EFCAB6: variants seen among roughly 807,000 people sequenced by gnomAD.
EFCAB6 encodes EF-hand calcium binding domain 6, also known as EF-hand calcium-binding domain-containing protein 6.
In EFCAB6, 156 loss-of-function variants were observed where a neutral mutation model predicts 169.8. That is an observed-to-expected ratio of 0.92 (90% CI 0.81 to 1.05). The LOEUF (loss-of-function observed/expected upper bound fraction) is 1.05. EFCAB6 is among the 50% of genes least tolerant of loss of function. The probability of loss-of-function intolerance (pLI) is 0.00; values close to 1 mark genes in which losing one functional copy is unlikely to be tolerated. For missense variants in EFCAB6, 1,800 were observed against 1,829.1 expected (o/e 0.98, Z 0.29); for synonymous variants, 698 against 676.4 (o/e 1.03, Z -0.50).
At position 43,626,504 on chromosome 22, in the gene EFCAB6, T is replaced by G. The variant is rs758353636; in HGVS notation, c.2408A>C (p.Gln803Pro). 32 of 1,614,204 alleles carry G rather than the reference T, an allele frequency of 2.0e-5. No individual in the cohort carries two copies. The highest frequency in any genetic ancestry group is 2.5e-5 in the Non-Finnish European group (30 of 1,180,034). The change falls in exon 20 of 32, where the codon CAA (glutamine) becomes CCA (proline). Residue 803 changes from glutamine to proline, a missense_variant. Gln to Pro is a moderately conservative substitution (Grantham distance 76, BLOSUM62 -1). Transcript: ENST00000262726. Reference protein sequence around the residue: ...LSVTLNFREFQNLCEKRPWRT... With the variant: ...LSVTLNFREFPNLCEKRPWRT... ...CCATGGTCTCTTCTCACACAAATTTTGAAATTCCCGAAAATTTAAAGTGAC... is the reference window on the plus strand; with the variant it reads ...CCATGGTCTCTTCTCACACAAATTTGGAAATTCCCGAAAATTTAAAGTGAC...
chr22:43,633,439 T>C (rs1231607851), intron 18 of EFCAB6, among the ~76,000 whole-genome samples: 4 of 152,120 alleles, frequency 2.6e-5, no homozygotes, highest in Non-Finnish European at 1.5e-5. Flanking sequence ...CCCCAGCTAC[T>C]TGGGAGGCTG....
chr22:43,731,484 T>C (rs958081964), intron 8 of EFCAB6, among the ~76,000 whole-genome samples: 1 of 152,226 alleles, frequency 6.6e-6, no homozygotes, highest in African/African-American at 2.4e-5. Flanking sequence ...TGTTCCTGGC[T>C]GTAGATTTTA....
chr22:43,740,218 A>G (rs1440633995), intron 6 of EFCAB6, among the ~76,000 whole-genome samples: 1 of 151,904 alleles, frequency 6.6e-6, no homozygotes, highest in East Asian at 1.9e-4. Flanking sequence ...CCTCACCCCC[A>G]ATCCTCTTAT....
At chr22:43,737,289 T>C (rs905501173) in intron 6 of EFCAB6, among the ~76,000 whole-genome samples, 6 of 152,056 alleles carry the variant, frequency 3.9e-5, no homozygotes, top group African/African-American at 1.4e-4. Flanking sequence ...CACACACACA[T>C]GCACAGATAC....
intron 20 of EFCAB6, among the ~76,000 whole-genome samples, chr22:43,617,644 C>A (rs78076034): frequency 0.035 from 5,372 of 152,222 alleles, 106 homozygotes; most frequent in South Asian, 0.039. Context: ...TCAGTCAGAT[C>A]CAGCCTTCCT....
At chr22:43,545,257 C>T (rs146919779) in intron 27 of EFCAB6, among the ~76,000 whole-genome samples, 33 of 151,968 alleles carry the variant, frequency 2.2e-4, no homozygotes, top group African/African-American at 7.9e-4. Flanking sequence ...TGCTTTCTGG[C>T]CACAATACAA....
chr22:43,570,612 CTTT>C (rs34079137), intron 26 of EFCAB6, among the ~76,000 whole-genome samples: 1 of 146,932 alleles, frequency 6.8e-6, no homozygotes, highest in Non-Finnish European at 1.5e-5. Flanking sequence ...TAGGTGTTCT[CTTT>C]TTTTTTTTTT....
At chr22:43,797,926 A>C (rs1294978318) in intron 2 of EFCAB6, among the ~76,000 whole-genome samples, 2 of 151,990 alleles carry the variant, frequency 1.3e-5, no homozygotes, top group African/African-American at 4.8e-5. Context: ...TACTTAGACC[A>C]CCTATTCCTC....
chr22:43,738,882 C>G (rs1267206600), intron 6 of EFCAB6, among the ~76,000 whole-genome samples: 2 of 152,200 alleles, frequency 1.3e-5, no homozygotes, highest in Non-Finnish European at 2.9e-5. Context: ...TGCCTCCTGT[C>G]CTGTTGTAAG....
intron 6 of EFCAB6, among the ~76,000 whole-genome samples, chr22:43,745,315 C>A (rs527805670): frequency 6.6e-6 from 1 of 152,244 alleles, no homozygotes; most frequent in Non-Finnish European, 1.5e-5. Context: ...GGAAAACAAT[C>A]CCTCTGGAGG....
intron 27 of EFCAB6, among the ~76,000 whole-genome samples, chr22:43,550,543 G>A (rs2048320584): frequency 6.6e-6 from 1 of 151,854 alleles, no homozygotes; most frequent in Non-Finnish European, 1.5e-5. Flanking sequence ...GTGGTAGCGG[G>A]CACCTGTAGT....
intron 5 of EFCAB6, among the ~76,000 whole-genome samples, chr22:43,756,043 T>C (rs757051205): frequency 6.6e-6 from 1 of 152,188 alleles, no homozygotes; most frequent in African/African-American, 2.4e-5. Context: ...TGAAATATAG[T>C]AGCATTTACT....
intron 1 of EFCAB6, among the ~76,000 whole-genome samples, chr22:43,810,281 T>C (rs904829819): frequency 6.6e-6 from 1 of 152,168 alleles, no homozygotes; most frequent in Non-Finnish European, 1.5e-5. Flanking sequence ...TAGCCAGTAG[T>C]AGTATTAGTA....
chr22:43,550,095 C>T (rs190638920), intron 27 of EFCAB6, among the ~76,000 whole-genome samples: 5 of 152,258 alleles, frequency 3.3e-5, no homozygotes, highest in Admixed American at 6.5e-5. Context: ...TTGAAAGACA[C>T]GGGCAGGGGC....
chr22:43,798,565 G>T (rs2062594441), intron 2 of EFCAB6, among the ~76,000 whole-genome samples: 1 of 152,144 alleles, frequency 6.6e-6, no homozygotes, highest in African/African-American at 2.4e-5. Context: ...AGTTTGTAAT[G>T]ATGTAGCTAT....
chr22:43,661,494 A>T (rs969501747), intron 17 of EFCAB6, among the ~76,000 whole-genome samples: 1 of 152,248 alleles, frequency 6.6e-6, no homozygotes, highest in South Asian at 2.1e-4. Context: ...TGGTCAGAGC[A>T]ACGAACGGAG....
chr22:43,580,764 T>C (rs1330994670), intron 24 of EFCAB6, 105 bp from the exon 25 acceptor site: 1 of 1,243,840 alleles, frequency 8.0e-7, no homozygotes, highest in Non-Finnish European at 1.1e-6. Flanking sequence ...GGAAAATGAA[T>C]AATTTTAAGA....
intron 10 of EFCAB6, among the ~76,000 whole-genome samples, chr22:43,688,147 G>C (rs2058272447): frequency 6.6e-6 from 1 of 152,146 alleles, no homozygotes; most frequent in South Asian, 2.1e-4. Context: ...GTGTGACGCT[G>C]GTGGCTTTGA....
chr22:43,703,944 T>C (rs1402901841), intron 10 of EFCAB6, among the ~76,000 whole-genome samples: 3 of 152,108 alleles, frequency 2.0e-5, no homozygotes, highest in Admixed American at 6.5e-5. Flanking sequence ...CTAGAAAGCA[T>C]ATTTAAAGAA....
Sources: allele counts gnomAD v4.1 joint callset (sites outside exome capture counted in the v4.1 genomes callset), GRCh38; gene constraint gnomAD v4.1.1; transcripts MANE v1.5; gene names NCBI Gene and HGNC (gene_info 2026-07-23, HGNC 2026-07-21).